The following ZNHIT6 variants were observed in gnomAD, a reference collection of about 807,000 sequenced individuals.
ZNHIT6 encodes box C/D snoRNA protein 1.
Under a neutral mutation model 57.2 loss-of-function variants are expected in ZNHIT6, and 45 were observed. The observed-to-expected ratio is 0.79, with a 90% CI of 0.62 to 1.01. The LOEUF is 1.01. ZNHIT6 is among the 50% of genes least tolerant of loss of function. ZNHIT6 has a pLI of 0.00. For missense variants in ZNHIT6, 528 were observed against 567.3 expected, an observed-to-expected ratio of 0.93 and a Z score of 0.70; for synonymous variants, 188 against 190.0, an observed-to-expected ratio of 0.99 and a Z score of 0.09.
chr1:85,667,961 A>AAAAAAAAAAAAAAAAAAATGTATATAT lies in ZNHIT6; in HGVS notation c.1247+9274_1247+9275insATATATACATTTTTTTTTTTTTTTTTT. Among the ~76,000 whole-genome samples the AAAAAAAAAAAAAAAAAAATGTATATAT allele has an allele frequency of 1.6e-4, 3 of 18,196 alleles. 1 individual carries two copies. Among genetic ancestry groups the AAAAAAAAAAAAAAAAAAATGTATATAT allele is most frequent in the African/African-American group, 6.4e-4 (3 of 4,702 alleles). 11.9% of individuals were successfully genotyped at this position (18,196 alleles called of 152,430 possible). A position where few individuals can be genotyped will look rare whatever the true frequency, so the allele number is the denominator to read the frequency against. ...ACTCTCTCTTTCAAAAAAAAAAAAA[A>AAAAAAAAAAAAAAAAAAATGTATATAT]ATATATATATATATATATATATATG... On this transcript the variant is annotated intron_variant, in intron 8 of 9. Coordinates refer to ENST00000370574, the MANE Select transcript of ZNHIT6 (RefSeq NM_017953.4).
intron 5 of ZNHIT6, among the ~76,000 whole-genome samples, chr1:85,691,594 G>T (rs1217433361): frequency 6.6e-6 from 1 of 152,272 alleles, no homozygotes; most frequent in Non-Finnish European, 1.5e-5. Flanking sequence ...ACAAGTTTTA[G>T]AGAGGTGTAT....
At chr1:85,689,137 A>C (rs1662143961) in intron 5 of ZNHIT6, among the ~76,000 whole-genome samples, 1 of 152,226 alleles carries the variant, frequency 6.6e-6, no homozygotes, top group South Asian at 2.1e-4. Context: ...ACCTGATGAA[A>C]TTTCAGGAAA....
chr1:85,658,298 G>A (rs963653690), intron 8 of ZNHIT6, among the ~76,000 whole-genome samples: 4 of 151,854 alleles, frequency 2.6e-5, no homozygotes, highest in African/African-American at 7.3e-5. Flanking sequence ...GCACAATCTC[G>A]GCTCACTGCA....
chr1:85,672,101 G>A (rs1661570675), intron 8 of ZNHIT6, among the ~76,000 whole-genome samples: 1 of 151,958 alleles, frequency 6.6e-6, no homozygotes, highest in East Asian at 1.9e-4. Flanking sequence ...AGTAGAGTAA[G>A]GTCATTCTTT....
chr1:85,692,278 C>T (rs1662242746), intron 5 of ZNHIT6, among the ~76,000 whole-genome samples: 1 of 152,100 alleles, frequency 6.6e-6, no homozygotes, highest in Non-Finnish European at 1.5e-5. Flanking sequence ...TCGGGAACCT[C>T]AAGATGATCG....
In ZNHIT6 at chr1:85,683,174, G is replaced by A. The variant is rs922989758; in HGVS notation, c.1020-2270C>T. On this transcript the variant is annotated intron_variant, in intron 5 of 9. Coordinates refer to ENST00000370574, the MANE Select transcript of ZNHIT6 (RefSeq NM_017953.4). ...TAAGGCTGCAGTGAACTGCGACTGC[G>A]TCACTGCACTTCACCTGGGTGACAC... 6.6e-5 allele frequency among the ~76,000 whole-genome samples: 10 copies of A among 152,024 alleles called. 1 individual carries two copies. Among genetic ancestry groups the A allele is most frequent in the South Asian group, 4.1e-4 (2 of 4,826 alleles).
At chr1:85,687,843 T>C (rs966122049) in intron 5 of ZNHIT6, among the ~76,000 whole-genome samples, 2 of 152,100 alleles carry the variant, frequency 1.3e-5, no homozygotes, top group African/African-American at 4.8e-5. Context: ...TGTCTACAGG[T>C]TCCATCCTGG....
At position 85,700,525 on chromosome 1, in the gene ZNHIT6, T is replaced by C. The variant is rs186664095; in HGVS notation, c.1019+1632A>G. Reference sequence around the variant, plus strand: ...AACCTGGAAAATATACTGAGTGTAATATTCTCGGTAAAAACTTCCCGCATA... The same window carrying C: ...AACCTGGAAAATATACTGAGTGTAACATTCTCGGTAAAAACTTCCCGCATA... On this transcript the variant is annotated intron_variant, in intron 5 of 9. Coordinates refer to ENST00000370574, the MANE Select transcript of ZNHIT6 (RefSeq NM_017953.4). Among the ~76,000 whole-genome samples the C allele has an allele frequency of 1.0e-3, 155 of 152,278 alleles. 1 individual carries two copies. The highest frequency in any genetic ancestry group is 3.6e-3 in the African/African-American group (151 of 41,548).
Position 85,651,837 on chromosome 1 carries a change from T to TA in ZNHIT6, c.*2220_*2221insT, listed in dbSNP as rs1660919644. The TA allele has an allele frequency of 6.6e-6, 1 of 152,166 alleles. No homozygotes were observed. Among genetic ancestry groups the TA allele is most frequent in the Non-Finnish European group, 1.5e-5 (1 of 68,026 alleles). The allele number at this position is 152,166 out of a possible 1,614,324, so 9.4% of individuals were successfully genotyped here. On this transcript the variant is annotated 3_prime_UTR_variant, in exon 10 of 10. Coordinates refer to ENST00000370574, the MANE Select transcript of ZNHIT6 (RefSeq NM_017953.4). ...TCTCAATGCTACAAACATCTAGGGT[T>TA]TTCAGTTAGTTATTCCAATTTCATT...
At chr1:85,672,637 T>C (rs968576228) in intron 8 of ZNHIT6, among the ~76,000 whole-genome samples, 1 of 152,194 alleles carries the variant, frequency 6.6e-6, no homozygotes, top group African/African-American at 2.4e-5. Flanking sequence ...TTTCTTATGA[T>C]ATATACAGTG....
At position 85,677,284 on chromosome 1, in the gene ZNHIT6, C is replaced by T; in HGVS notation, c.1199G>A (p.Gly400Glu). ...RLKAYIRSQT[G>E]VQILMKIEYM... ...TTCAATCTTCATTAAAATCTGAACCCCAGTCTGAGAGCGAATGTAGGCTTT... is the reference window on the plus strand; with the variant it reads ...TTCAATCTTCATTAAAATCTGAACCTCAGTCTGAGAGCGAATGTAGGCTTT... The change falls in exon 8 of 10, where the codon GGG (glycine) becomes GAG (glutamate). Residue 400 changes from glycine (G) to glutamate (E), a missense_variant. Transcript: ENST00000370574. 4 of 1,608,368 alleles carry T rather than the reference C, an allele frequency of 2.5e-6. No individual in the cohort carries two copies.
intron 5 of ZNHIT6, among the ~76,000 whole-genome samples, chr1:85,687,436 G>A (rs1252817104): frequency 1.3e-5 from 2 of 151,964 alleles, no homozygotes; most frequent in African/African-American, 4.8e-5. Context: ...AGTGGCTAGA[G>A]ATGAAACTAG....
At chr1:85,693,604 TAAAAAG>T (rs1350299416) in intron 5 of ZNHIT6, among the ~76,000 whole-genome samples, 1 of 151,816 alleles carries the variant, frequency 6.6e-6, no homozygotes, top group African/African-American at 2.4e-5. Context: ...GGAATAAAAA[TAAAAAG>T]AAATAGCACT....
intron 8 of ZNHIT6, among the ~76,000 whole-genome samples, chr1:85,672,316 T>C (rs995232584): frequency 3.9e-5 from 6 of 152,202 alleles, no homozygotes; most frequent in African/African-American, 1.4e-4. Context: ...TACAGTTTTC[T>C]ACTGCCAAGG....
At chr1:85,682,179 T>TA in intron 5 of ZNHIT6, among the ~76,000 whole-genome samples, 1 of 29,424 alleles carries the variant, frequency 3.4e-5, no homozygotes, top group East Asian at 6.5e-4. Context: ...GCCCGGCTAA[T>TA]TTTTTTTTTT....
chr1:85,689,798 T>C (rs371132904), intron 5 of ZNHIT6, among the ~76,000 whole-genome samples: 2 of 152,046 alleles, frequency 1.3e-5, no homozygotes, highest in Admixed American at 6.6e-5. Context: ...GAGGATTTAG[T>C]AGGTAGGGGG....
In ZNHIT6 at chr1:85,706,292, T is replaced by C. The variant is rs777226832; in HGVS notation, c.786A>G (p.Ala262=). 6.2e-6 allele frequency: 10 copies of C among 1,612,912 alleles called. No individual in the cohort carries two copies. The highest frequency in any genetic ancestry group is 8.5e-6 in the Non-Finnish European group (10 of 1,179,304). ...LTCNGVRDKT[A]YISIQQFTEM... is the part of the protein sequence containing the mutation. ...CAGTAAACTGTTGTATTGAAATGTA[T>C]GCAGTTTTATCTCGAACTCCATTAC... Residue 262 remains alanine (A), a synonymous_variant, in exon 3 of 10, where the codon GCA becomes GCG. Transcript: ENST00000370574.
In ZNHIT6 at chr1:85,654,117, A is replaced by C. The variant is rs781183804; in HGVS notation, c.1373-19T>G. On this transcript the variant is annotated intron_variant, in intron 9 of 9. Transcript: ENST00000370574. ...CTCTTCACTAGAAAAAAATAAGTAA[A>C]CATACAGTCAAGTGTTTATATTTTT... The C allele has an allele frequency of 1.9e-6, 3 of 1,606,196 alleles. No homozygotes were observed. The highest frequency in any genetic ancestry group is 2.2e-5 in the South Asian group (2 of 89,996).
intron 5 of ZNHIT6, among the ~76,000 whole-genome samples, chr1:85,690,780 C>T (rs1221291754): frequency 6.6e-6 from 1 of 152,140 alleles, no homozygotes; most frequent in South Asian, 2.1e-4. Context: ...AATCCCAGCA[C>T]TTTGGGAGGC....
Sources: allele counts gnomAD v4.1 joint callset (sites outside exome capture counted in the v4.1 genomes callset), GRCh38; gene constraint gnomAD v4.1.1; transcripts MANE v1.5; gene names NCBI Gene and HGNC (gene_info 2026-07-23, HGNC 2026-07-21).